Variants in CDYL2 observed in about 807,000 individuals in gnomAD.
CDYL2 encodes the protein chromodomain Y like 2.
Under a neutral mutation model 49.4 loss-of-function variants are expected in CDYL2, and 23 were observed. The ratio of observed to expected loss-of-function variants is 0.47; its 90% CI spans 0.34 to 0.66. The LOEUF is 0.66. CDYL2 is among the 30% of genes least tolerant of loss of function. The pLI is 0.01. For synonymous variants in CDYL2, 360 were observed against 268.8 expected (o/e 1.34, Z -3.32); for missense variants, 678 against 656.4 (o/e 1.03, Z -0.36).
chr16:80,694,800 G>T (rs1168783133), intron 1 of CDYL2, among the ~76,000 whole-genome samples: 1 of 152,030 alleles, frequency 6.6e-6, no homozygotes, highest in African/African-American at 2.4e-5. Context: ...TAACTCTAGG[G>T]CTGGGACAGA....
chr16:80,651,739 G>C (rs566720023), intron 2 of CDYL2, among the ~76,000 whole-genome samples: 5 of 152,308 alleles, frequency 3.3e-5, no homozygotes, highest in East Asian at 3.9e-4. Context: ...CTTTAGAAAT[G>C]AGCGGAGTTT....
chr16:80,738,234 T>C (rs921152365), intron 1 of CDYL2, among the ~76,000 whole-genome samples: 1 of 152,206 alleles, frequency 6.6e-6, no homozygotes, highest in East Asian at 1.9e-4. Flanking sequence ...CCATGGTGTA[T>C]ATGTGCCACA....
intron 2 of CDYL2, among the ~76,000 whole-genome samples, chr16:80,680,926 G>C (rs35732345): frequency 0.47 from 71,273 of 151,856 alleles, 19,201 homozygotes; most frequent in Middle Eastern, 0.64. Flanking sequence ...TGAGGCAGAT[G>C]GGCCCCGGAC....
chr16:80,715,972 C>T (rs896082953), intron 1 of CDYL2, among the ~76,000 whole-genome samples: 3 of 152,220 alleles, frequency 2.0e-5, no homozygotes, highest in African/African-American at 7.2e-5. Flanking sequence ...GCTCTGTCGC[C>T]GACCTGTGGT....
chr16:80,675,516 A>G (rs1158023490), intron 2 of CDYL2, among the ~76,000 whole-genome samples: 5 of 152,168 alleles, frequency 3.3e-5, no homozygotes, highest in African/African-American at 4.8e-5. Context: ...CGCTGCCACC[A>G]TTATCATCAT....
rs140489859 is a variant in CDYL2, at chr16:80,798,345, T to G, written c.24+5805A>C. On this transcript the variant is annotated intron_variant, in intron 1 of 6. Transcript: ENST00000570137. ...GGCATGAGCCACAGTGCCCGGCCTG[T>G]GCAGGTCATTTATAGGCAGATTTCC... Among the ~76,000 whole-genome samples, 193 of 152,290 alleles carry G rather than the reference T, an allele frequency of 1.3e-3. 3 individuals are homozygous for G. In the East Asian group the frequency reaches 0.033, roughly 26 times the overall value.
chr16:80,632,379 G>A (rs1355835149), intron 3 of CDYL2, among the ~76,000 whole-genome samples: 4 of 152,148 alleles, frequency 2.6e-5, no homozygotes, highest in Non-Finnish European at 4.4e-5. Flanking sequence ...TACAGAGACA[G>A]AAAGTAGATG....
intron 1 of CDYL2, among the ~76,000 whole-genome samples, chr16:80,775,863 A>G (rs1907065731): frequency 1.3e-5 from 2 of 151,156 alleles, no homozygotes; most frequent in South Asian, 2.1e-4. Flanking sequence ...TTATTAATAC[A>G]TATTTATTTA....
intron 3 of CDYL2, among the ~76,000 whole-genome samples, chr16:80,622,832 G>A (rs1302038765): frequency 6.6e-6 from 1 of 152,194 alleles, no homozygotes. Context: ...AAGGCATGCA[G>A]CCCGGCTATT....
chr16:80,660,327 G>A (rs560334039), intron 2 of CDYL2, among the ~76,000 whole-genome samples: 1 of 152,098 alleles, frequency 6.6e-6, no homozygotes, highest in Admixed American at 6.6e-5. Context: ...ATAATAGTAA[G>A]ATGTGGAAGA....
At chr16:80,778,340 T>C (rs1344018488) in intron 1 of CDYL2, among the ~76,000 whole-genome samples, 2 of 151,656 alleles carry the variant, frequency 1.3e-5, no homozygotes, top group Non-Finnish European at 2.9e-5. Context: ...AAATTATAAC[T>C]GACAGAAAGA....
At chr16:80,763,236 A>G (rs1906592538) in intron 1 of CDYL2, among the ~76,000 whole-genome samples, 1 of 406 alleles carries the variant, frequency 2.5e-3, no homozygotes, top group Admixed American at 0.042. Context: ...TAATAAAGGT[A>G]ATGAGAACCA....
chr16:80,741,953 C>T (rs2142552472), intron 1 of CDYL2: 1 of 152,292 alleles, frequency 6.6e-6, no homozygotes, highest in East Asian at 1.9e-4. Context: ...AGGAAATAAC[C>T]AGAACAATGT....
chr16:80,797,114 G>T (rs775727839), intron 1 of CDYL2, among the ~76,000 whole-genome samples: 4 of 152,004 alleles, frequency 2.6e-5, no homozygotes, highest in Non-Finnish European at 4.4e-5. Flanking sequence ...TTTACACACT[G>T]TTTTTTGGCT....
intron 1 of CDYL2, among the ~76,000 whole-genome samples, chr16:80,762,447 G>C (rs1206211194): frequency 6.6e-6 from 1 of 152,130 alleles, no homozygotes; most frequent in Non-Finnish European, 1.5e-5. Context: ...CAAAAAGCCT[G>C]AACACGGTGG....
intron 1 of CDYL2, among the ~76,000 whole-genome samples, chr16:80,777,497 A>G (rs749942829): frequency 1.3e-5 from 2 of 152,122 alleles, no homozygotes; most frequent in Non-Finnish European, 2.9e-5. Context: ...TATGAAGAAA[A>G]GAGAAAGTAC....
chr16:80,641,634 A>C (rs1213891432), intron 2 of CDYL2, among the ~76,000 whole-genome samples: 1 of 151,874 alleles, frequency 6.6e-6, no homozygotes, highest in Non-Finnish European at 1.5e-5. Context: ...ATTCTCAGCA[A>C]ACTACCGCAA....
chr16:80,687,170 A>C (rs1352883606), intron 1 of CDYL2, among the ~76,000 whole-genome samples: 5 of 152,234 alleles, frequency 3.3e-5, no homozygotes, highest in Non-Finnish European at 4.4e-5. Flanking sequence ...ATTGCCTGAA[A>C]CAGCAGCATT....
intron 1 of CDYL2, among the ~76,000 whole-genome samples, chr16:80,729,714 C>T (rs1481218907): frequency 4.6e-5 from 7 of 152,114 alleles, no homozygotes; most frequent in East Asian, 3.8e-4. Context: ...AAGCTCTCCT[C>T]GGCAAATATA....
Sources: allele counts gnomAD v4.1 joint callset (sites outside exome capture counted in the v4.1 genomes callset), GRCh38; gene constraint gnomAD v4.1.1; transcripts MANE v1.5; gene names NCBI Gene and HGNC (gene_info 2026-07-23, HGNC 2026-07-21).